NCKAP5: variants seen among roughly 807,000 people sequenced by gnomAD.
NCKAP5 encodes NCK associated protein 5, also known as nck-associated protein 5.
A neutral mutation model predicts 167.0 loss-of-function variants in NCKAP5; 92 were observed. That is an observed-to-expected ratio of 0.55 (90% CI 0.47 to 0.66). The LOEUF is 0.66. Among genes scored for constraint, NCKAP5 ranks in the 30% least tolerant of loss-of-function variants. NCKAP5 has a pLI of 0.00. For synonymous variants in NCKAP5, 891 were observed against 877.4 expected, an observed-to-expected ratio of 1.02 and a Z score of -0.27; for missense variants, 2,378 against 2,315.0, an observed-to-expected ratio of 1.03 and a Z score of -0.56.
intron 8 of NCKAP5, among the ~76,000 whole-genome samples, chr2:132,880,994 T>C (rs146255793): frequency 6.6e-6 from 1 of 152,286 alleles, no homozygotes; most frequent in East Asian, 1.9e-4. Flanking sequence ...TCAGGAAATA[T>C]AGGAAATATA....
intron 4 of NCKAP5, among the ~76,000 whole-genome samples, chr2:133,258,163 G>T (rs1462909140): frequency 6.6e-6 from 1 of 152,152 alleles, no homozygotes; most frequent in Non-Finnish European, 1.5e-5. Context: ...ACAAAACAGT[G>T]CATGCTTGTA....
At chr2:132,791,847 T>A (rs1369520725) in intron 12 of NCKAP5, among the ~76,000 whole-genome samples, 2 of 152,228 alleles carry the variant, frequency 1.3e-5, no homozygotes, top group African/African-American at 4.8e-5. Flanking sequence ...TTTAATTTAC[T>A]CTCTAATCAA....
chr2:132,737,625 C>T (rs896956270), intron 16 of NCKAP5, among the ~76,000 whole-genome samples: 1 of 152,116 alleles, frequency 6.6e-6, no homozygotes, highest in Non-Finnish European at 1.5e-5. Flanking sequence ...CTGCTGCTCC[C>T]TACTCCCAGC....
intron 8 of NCKAP5, among the ~76,000 whole-genome samples, chr2:132,919,638 C>T (rs938300866): frequency 6.6e-6 from 1 of 150,638 alleles, no homozygotes; most frequent in Non-Finnish European, 1.5e-5. Flanking sequence ...AGATCAGCAA[C>T]GACAGACAAG....
intron 16 of NCKAP5, among the ~76,000 whole-genome samples, chr2:132,747,423 G>C (rs191613219): frequency 6.6e-6 from 1 of 152,236 alleles, no homozygotes; most frequent in African/African-American, 2.4e-5. Context: ...TTCAATAATC[G>C]TGGGAAATAG....
chr2:133,042,046 C>A (rs2149457619), intron 6 of NCKAP5, among the ~76,000 whole-genome samples: 1 of 152,170 alleles, frequency 6.6e-6, no homozygotes, highest in East Asian at 1.9e-4. Context: ...ATTTTTATGA[C>A]ATACTTGATG....
At chr2:133,221,584 A>T (rs2150206579) in intron 4 of NCKAP5, among the ~76,000 whole-genome samples, 1 of 152,380 alleles carries the variant, frequency 6.6e-6, no homozygotes, top group African/African-American at 2.4e-5. Flanking sequence ...AGACAGAGAA[A>T]GCATGCCTAC....
intron 3 of NCKAP5, among the ~76,000 whole-genome samples, chr2:133,375,979 T>C (rs1686118360): frequency 6.6e-6 from 1 of 152,082 alleles, no homozygotes; most frequent in African/African-American, 2.4e-5. Flanking sequence ...GTGGGCCCAA[T>C]AAATTCATGT....
At chr2:132,710,198 A>G (rs531993274) in intron 19 of NCKAP5, among the ~76,000 whole-genome samples, 6 of 152,188 alleles carry the variant, frequency 3.9e-5, no homozygotes, top group Non-Finnish European at 8.8e-5. Flanking sequence ...AACCCTTCTT[A>G]GTTAAGGAGG....
At chr2:132,712,530 T>C (rs1462638458) in intron 19 of NCKAP5, among the ~76,000 whole-genome samples, 1 of 151,980 alleles carries the variant, frequency 6.6e-6, no homozygotes, top group Admixed American at 6.6e-5. Context: ...CGGGCACCTG[T>C]AGTCCCAGCT....
intron 6 of NCKAP5, among the ~76,000 whole-genome samples, chr2:133,069,729 C>G (rs1181008635): frequency 6.6e-6 from 1 of 151,882 alleles, no homozygotes; most frequent in Non-Finnish European, 1.5e-5. Flanking sequence ...TGTTTGAACA[C>G]GACTGCATTA....
rs149777827 is a variant in NCKAP5 at position 133,508,572 on chromosome 2, G to T, written c.69+8886C>A. ...GATCAATGAGAAACTCGAAAAAGAA[G>T]AGCAGGCTCTTATCAGAGAGAACAC... On this transcript the variant is annotated intron_variant, in intron 3 of 19. Coordinates refer to ENST00000409261, the MANE Select transcript of NCKAP5 (RefSeq NM_207363.3). 8.5e-5 allele frequency among the ~76,000 whole-genome samples: 13 copies of T among 152,326 alleles called. No individual in the cohort carries two copies. In the East Asian group the frequency reaches 2.5e-3, roughly 29 times the overall value.
At chr2:133,083,435 C>T (rs16847299) in intron 6 of NCKAP5, among the ~76,000 whole-genome samples, 33,525 of 152,070 alleles carry the variant, frequency 0.22, 4,240 homozygotes, top group East Asian at 0.57. Context: ...TCAGTAAAAC[C>T]AAATGGTTGT....
the NCKAP5 span, among the ~76,000 whole-genome samples, chr2:133,670,179 A>C: frequency 6.6e-6 from 1 of 152,174 alleles, no homozygotes; most frequent in African/African-American, 2.4e-5. Context: ...CCTCTCTGCA[A>C]ATAGAGGTAA....
chr2:133,594,105 C>T, the NCKAP5 span, among the ~76,000 whole-genome samples: 1 of 152,160 alleles, frequency 6.6e-6, no homozygotes, highest in African/African-American at 2.4e-5. Flanking sequence ...GTGGTGGGAC[C>T]ATCACTTTGT....
At chr2:133,297,193 GT>G (rs1680023957) in intron 4 of NCKAP5, among the ~76,000 whole-genome samples, 1 of 151,170 alleles carries the variant, frequency 6.6e-6, no homozygotes, top group African/African-American at 2.4e-5. Flanking sequence ...GTGTGTGTGT[GT>G]GTGTGTGTGT....
chr2:133,093,133 G>C (rs574085326), intron 6 of NCKAP5, among the ~76,000 whole-genome samples: 1 of 152,160 alleles, frequency 6.6e-6, no homozygotes, highest in Non-Finnish European at 1.5e-5. Flanking sequence ...CCTAGGACAA[G>C]GTAATTAAGC....
chr2:132,994,272 GAAGGTTTCT>G (rs1185619727), intron 6 of NCKAP5, 33 bp from the exon 7 acceptor site: 1 of 1,483,030 alleles, frequency 6.7e-7, no homozygotes, highest in Non-Finnish European at 9.1e-7. Flanking sequence ...ATTTCTTAAA[GAAGGTTTCT>G]AATTAACACG....
At chr2:133,600,037 G>T in the NCKAP5 span, among the ~76,000 whole-genome samples, 1 of 152,192 alleles carries the variant, frequency 6.6e-6, no homozygotes, top group Non-Finnish European at 1.5e-5. Flanking sequence ...ATTCAATGTC[G>T]CCAGGTTTGC....
Sources: gnomAD v4.1 joint callset for allele counts (sites outside exome capture counted in the v4.1 genomes callset) on GRCh38, gnomAD v4.1.1 for gene constraint, MANE v1.5 for transcripts, NCBI Gene and HGNC (gene_info 2026-07-23, HGNC 2026-07-21) for gene names.